The following FAT1 variants were observed in gnomAD, a reference collection of about 807,000 sequenced individuals.
FAT1 encodes protocadherin Fat 1.
A neutral mutation model predicts 329.8 loss-of-function variants in FAT1; 171 were observed. That is an observed-to-expected ratio of 0.52 (90% CI 0.46 to 0.59). The LOEUF (loss-of-function observed/expected upper bound fraction) is 0.59. Among genes scored for constraint, FAT1 ranks in the 20% least tolerant of loss-of-function variants. The pLI, the probability that FAT1 is intolerant of heterozygous loss-of-function variation, is 0.00. For missense variants in FAT1, 5,672 were observed against 5,774.4 expected (o/e 0.98, Z 0.57); for synonymous variants, 2,233 against 2,228.6 (o/e 1.00, Z -0.06).
In FAT1 at chr4:186,612,305, C is replaced by T. The variant is rs189349781; in HGVS notation, c.9464-530G>A. 3.0e-4 allele frequency among the ~76,000 whole-genome samples: 45 copies of T among 152,164 alleles called. No homozygotes were observed. The East Asian group carries it at 7.3e-3, about 25-fold the overall frequency. ...CGTATAGGAGCCAATAATACAGTAC[C>T]TAACAAACCTTTACAAATCACATCT... On this transcript the variant is annotated intron_variant, in intron 13 of 26. Transcript: ENST00000441802.
intron 4 of FAT1, among the ~76,000 whole-genome samples, chr4:186,639,129 T>C (rs72716275): frequency 0.21 from 31,995 of 152,190 alleles, 4,021 homozygotes; most frequent in Non-Finnish European, 0.29. Flanking sequence ...AAATTATCCA[T>C]GAGAATGAGA....
intron 9 of FAT1, among the ~76,000 whole-genome samples, chr4:186,627,733 C>T (rs1397030064): frequency 6.6e-6 from 1 of 152,196 alleles, no homozygotes; most frequent in African/African-American, 2.4e-5. Flanking sequence ...TGTTATGGAG[C>T]TTCCTGCTCT....
rs746830680 is a variant in FAT1, at chr4:186,633,661, T to C, written c.4323+23A>G. On this transcript the variant is annotated intron_variant, in intron 7 of 26. Coordinates refer to ENST00000441802, the MANE Select transcript of FAT1 (RefSeq NM_005245.4). ...GTTATCTCCATCCTCCTCTGACAAGTGTGTCATTAGTAATTCACTTACCTG... is the reference window on the plus strand; with the variant it reads ...GTTATCTCCATCCTCCTCTGACAAGCGTGTCATTAGTAATTCACTTACCTG... 5 of 1,613,602 alleles carry C rather than the reference T, an allele frequency of 3.1e-6. 1 individual carries two copies. In the South Asian group the frequency reaches 5.5e-5, roughly 18 times the overall value.
At chr4:186,642,968 C>G (rs1003413827) in intron 3 of FAT1, among the ~76,000 whole-genome samples, 3 of 152,124 alleles carry the variant, frequency 2.0e-5, no homozygotes, top group Non-Finnish European at 2.9e-5. Flanking sequence ...AGGAAGTAGA[C>G]CAGGAGAAGT....
chr4:186,710,266 A>G (rs771303883), intron 1 of FAT1, among the ~76,000 whole-genome samples: 5 of 152,234 alleles, frequency 3.3e-5, no homozygotes, highest in Non-Finnish European at 5.9e-5. Context: ...GCTGGCAAAC[A>G]TAATGCCCCT....
intron 20 of FAT1, 66 bp from the exon 21 acceptor site, chr4:186,601,492 TC>T: frequency 2.2e-6 from 3 of 1,382,676 alleles, no homozygotes; most frequent in South Asian, 2.5e-5. Context: ...AAAGTATGAC[TC>T]CCCTGCACCC....
rs2126697006 is a variant in FAT1, at chr4:186,708,502, G to T, written c.1326C>A (p.Asp442Glu). The T allele has an allele frequency of 6.2e-7, 1 of 1,613,942 alleles. No individual in the cohort carries two copies. Among genetic ancestry groups the T allele is most frequent in the Non-Finnish European group, 8.5e-7 (1 of 1,179,884 alleles). ...AHFELEVTTSDRKASTKVLVK... is the reference protein window; with the variant it reads ...AHFELEVTTSERKASTKVLVK... ...CCAAGACCTTGGTGGACGCTTTTCT[G>T]TCACTTGTTGTTACTTCAAGTTCAA... Residue 442 changes from aspartate to glutamate, a missense_variant, in exon 2 of 27, where the codon GAC (aspartate) becomes GAA (glutamate). Physicochemically the swap from Asp to Glu is conservative, Grantham distance 45. This residue lies in a region of FAT1 where 3,966 missense variants were observed against 3,915.2 expected (regional missense o/e 1.01). Coordinates refer to ENST00000441802, the MANE Select transcript of FAT1 (RefSeq NM_005245.4).
At chr4:186,597,259 C>A (rs1166791455) in intron 24 of FAT1, 88 bp from the exon 25 acceptor site, 6 of 1,337,858 alleles carry the variant, frequency 4.5e-6, no homozygotes, top group Non-Finnish European at 5.0e-6. Flanking sequence ...AAGACTAATC[C>A]CTCCTTGATG....
At chr4:186,654,028 T>C (rs567564981) in intron 3 of FAT1, among the ~76,000 whole-genome samples, 14 of 152,228 alleles carry the variant, frequency 9.2e-5, no homozygotes, top group African/African-American at 3.4e-4. Flanking sequence ...AAAGAGTAGA[T>C]AAGAGACAGA....
At chr4:186,712,984 T>C (rs1170399335) in intron 1 of FAT1, among the ~76,000 whole-genome samples, 1 of 125,664 alleles carries the variant, frequency 8.0e-6, no homozygotes, top group Non-Finnish European at 1.7e-5. Context: ...ATGAAGGGGG[T>C]TCTTTTTAAA....
At chr4:186,597,522 T>C (rs1175035627) in intron 24 of FAT1, among the ~76,000 whole-genome samples, 160 bp downstream of exon 24, 2 of 152,106 alleles carry the variant, frequency 1.3e-5, no homozygotes, top group East Asian at 3.9e-4. Context: ...TGATAATTCA[T>C]TTTAAAGAGT....
intron 3 of FAT1, among the ~76,000 whole-genome samples, chr4:186,654,292 A>G (rs1741802347): frequency 6.6e-6 from 1 of 152,242 alleles, no homozygotes; most frequent in Admixed American, 6.5e-5. Flanking sequence ...CTCGTAATAG[A>G]TGAGACACAC....
chr4:186,596,888 C>A lies in FAT1; in HGVS notation c.12652G>T (p.Asp4218Tyr), dbSNP rs775508916. 1 of 1,614,014 alleles carries A rather than the reference C, an allele frequency of 6.2e-7. No individual in the cohort carries two copies. The highest frequency in any genetic ancestry group is 1.1e-5 in the South Asian group (1 of 91,078). The change falls in exon 25 of 27, where the codon GAC becomes TAC. Residue 4218 changes from aspartate (D) to tyrosine (Y), a missense_variant. Transcript: ENST00000441802. The surrounding 1 kb of genome is among the most constrained non-coding windows in gnomAD (Gnocchi z 4.7). ...GCCGTAGCGGGTCCCAGGTGCTTGT[C>A]TTTAGGTTCAGCCTGATGCTTCTTT... Reference protein sequence around the residue: ...RKKKHQAEPKDKHLGPATAFL... With the variant: ...RKKKHQAEPKYKHLGPATAFL...
At chr4:186,606,906 C>T (rs899905574) in intron 16 of FAT1, among the ~76,000 whole-genome samples, 1 of 152,224 alleles carries the variant, frequency 6.6e-6, no homozygotes, top group African/African-American at 2.4e-5. Context: ...CTGCAAGACG[C>T]TCCAATGAAA....
chr4:186,590,648 A>G (rs780805407), intron 26 of FAT1: 13 of 456,368 alleles, frequency 2.8e-5, no homozygotes, highest in South Asian at 2.0e-4. Context: ...AAATTTGGCC[A>G]GAAAACTCAA....
intron 1 of FAT1, among the ~76,000 whole-genome samples, chr4:186,716,474 C>A (rs745927384): frequency 6.6e-6 from 1 of 152,022 alleles, no homozygotes; most frequent in Non-Finnish European, 1.5e-5. Flanking sequence ...ATCTCCCAGG[C>A]TGGAGAGCAG....
In FAT1 at chr4:186,618,482, T is replaced by C. The variant is rs1739838288; in HGVS notation, c.8104A>G (p.Lys2702Glu). Residue 2702 changes from lysine (K) to glutamate (E), a missense_variant, in exon 10 of 27, where the codon AAA becomes GAA. Lys to Glu is a moderately conservative substitution (Grantham distance 56). Transcript: ENST00000441802. Reference sequence around the variant, plus strand: ...AAGGTATAGAAAGGTTCTGAAAATTTTGGAAGCTGCATTTCCGGTGGAAGG... The same window carrying C: ...AAGGTATAGAAAGGTTCTGAAAATTCTGGAAGCTGCATTTCCGGTGGAAGG... The part of the protein sequence containing the change: ...KILPPEMQLP[K>E]FSEPFYTFTV... 3 of 1,613,932 alleles carry C rather than the reference T, an allele frequency of 1.9e-6. No homozygotes were observed. Among genetic ancestry groups the C allele is most frequent in the South Asian group, 2.2e-5 (2 of 91,092 alleles).
chr4:186,705,125 T>TTTTG (rs1199752845), intron 2 of FAT1, among the ~76,000 whole-genome samples: 2 of 147,368 alleles, frequency 1.4e-5, no homozygotes, highest in African/African-American at 5.0e-5. Flanking sequence ...TTTTTTTTTT[T>TTTTG]GGTAGGAACG....
chr4:186,698,877 C>T (rs530944454), intron 2 of FAT1, among the ~76,000 whole-genome samples: 11 of 152,352 alleles, frequency 7.2e-5, no homozygotes, highest in East Asian at 5.8e-4. Context: ...TGCCTCCTAA[C>T]GCATCACACC....
Sources: allele counts gnomAD v4.1 joint callset (sites outside exome capture counted in the v4.1 genomes callset), GRCh38; gene constraint gnomAD v4.1.1; regional missense constraint gnomAD v4.1.1; non-coding constraint Gnocchi (gnomAD v3.1); transcripts MANE v1.5; gene names NCBI Gene and HGNC (gene_info 2026-07-23, HGNC 2026-07-21).